Variants in NTM observed in about 807,000 individuals in gnomAD.
NTM encodes neurotrimin, also known as IgLON family member 2.
NTM carries 13 observed loss-of-function variants against 42.1 expected under a neutral mutation model. The observed-to-expected ratio is 0.31, with a 90% CI of 0.20 to 0.49. The LOEUF is 0.49. Ranked by LOEUF, NTM falls within the 20% of genes least tolerant of loss-of-function variation. The pLI is 0.99. For synonymous variants in NTM, 187 were observed against 179.2 expected, an observed-to-expected ratio of 1.04 and a Z score of -0.35; for missense variants, 373 against 452.8, an observed-to-expected ratio of 0.82 and a Z score of 1.60.
chr11:131,554,544 A>C (rs73580248), intron 1 of NTM, among the ~76,000 whole-genome samples: 2,710 of 113,586 alleles, frequency 0.024, 90 homozygotes, highest in African/African-American at 0.077. Context: ...ACACACATCT[A>C]CAAAAAAAAA....
intron 2 of NTM, among the ~76,000 whole-genome samples, chr11:132,039,184 C>A (rs2076878117): frequency 6.6e-6 from 1 of 152,144 alleles, no homozygotes; most frequent in Non-Finnish European, 1.5e-5. Flanking sequence ...GCCTCCCACC[C>A]AATTGGACCG....
chr11:131,665,370 T>C (rs1474443677), intron 1 of NTM, among the ~76,000 whole-genome samples: 3 of 152,246 alleles, frequency 2.0e-5, no homozygotes, highest in Admixed American at 6.5e-5. Flanking sequence ...GTCACTGTTA[T>C]GAGCTGAACA....
At chr11:131,639,523 T>C (rs961525321) in intron 1 of NTM, among the ~76,000 whole-genome samples, 1 of 152,216 alleles carries the variant, frequency 6.6e-6, no homozygotes, top group African/African-American at 2.4e-5. Context: ...TTCTGCATAG[T>C]TGGGAACTGC....
intron 1 of NTM, among the ~76,000 whole-genome samples, chr11:131,831,965 T>C (rs2136547091): frequency 6.8e-6 from 1 of 147,810 alleles, no homozygotes; most frequent in East Asian, 2.0e-4. Flanking sequence ...TAATTAAATA[T>C]AATATATATA....
intron 1 of NTM, among the ~76,000 whole-genome samples, chr11:131,838,000 T>C (rs540765902): frequency 6.6e-6 from 1 of 152,268 alleles, no homozygotes; most frequent in South Asian, 2.1e-4. Context: ...GAATAGTCAA[T>C]TTCACGGTGA....
intron 4 of NTM, among the ~76,000 whole-genome samples, chr11:132,272,951 G>A (rs529215269): frequency 6.6e-6 from 1 of 152,190 alleles, no homozygotes; most frequent in Non-Finnish European, 1.5e-5. Flanking sequence ...GATCTTAAGG[G>A]AAAGCATTTT....
At chr11:132,135,475 G>A (rs1251473359) in intron 2 of NTM, among the ~76,000 whole-genome samples, 1 of 152,250 alleles carries the variant, frequency 6.6e-6, no homozygotes, top group Non-Finnish European at 1.5e-5. Flanking sequence ...TATTAGGGAA[G>A]TGGGCCTAGG....
chr11:132,253,809 A>T (rs1008115849), intron 4 of NTM, among the ~76,000 whole-genome samples: 3 of 152,166 alleles, frequency 2.0e-5, no homozygotes, highest in Non-Finnish European at 4.4e-5. Flanking sequence ...TGTGAAGATG[A>T]TAAAGACCTC....
At chr11:131,405,189 T>C (rs976073086) in intron 1 of NTM, among the ~76,000 whole-genome samples, 3 of 152,170 alleles carry the variant, frequency 2.0e-5, no homozygotes, top group African/African-American at 7.2e-5. Flanking sequence ...CAATTGAAAG[T>C]GTCCCTCACT....
intron 4 of NTM, among the ~76,000 whole-genome samples, chr11:132,302,447 A>G (rs1349792936): frequency 1.3e-5 from 2 of 152,206 alleles, no homozygotes; most frequent in Admixed American, 1.3e-4. Flanking sequence ...AAATACAATG[A>G]TCATGCTAAG....
intron 2 of NTM, among the ~76,000 whole-genome samples, chr11:132,023,195 G>T (rs1183530595): frequency 2.0e-5 from 3 of 152,210 alleles, no homozygotes; most frequent in Admixed American, 6.5e-5. Context: ...TCTCATGGGG[G>T]ACTGTGGGAC....
intron 2 of NTM, among the ~76,000 whole-genome samples, chr11:132,074,102 G>A (rs1481375332): frequency 6.6e-6 from 1 of 152,144 alleles, no homozygotes; most frequent in Non-Finnish European, 1.5e-5. Flanking sequence ...TTTTCAGTAG[G>A]CCACCAGATA....
At chr11:132,162,522 T>TG (rs1177297227) in intron 3 of NTM, among the ~76,000 whole-genome samples, 4 of 142,098 alleles carry the variant, frequency 2.8e-5, no homozygotes, top group Non-Finnish European at 4.6e-5. Flanking sequence ...TGTGTGTTTG[T>TG]GGGGGGAGTG....
chr11:132,138,590 CTATCTATCTATCTATCTATCTATCT>C lies in NTM; in HGVS notation c.168-7691_168-7667del, dbSNP rs1309975668. On this transcript the variant is annotated intron_variant, in intron 2 of 8. Coordinates refer to ENST00000683400, the MANE Select transcript of NTM (RefSeq NM_001352005.2). ...TCTATCTATCTATCTATCTATCTAT[CTATCTATCTATCTATCTATCTATCT>C]ATCTATTCTAATCTATCGAGAGACT... 1.4e-4 allele frequency among the ~76,000 whole-genome samples: 10 copies of C among 73,172 alleles called. No homozygotes were observed. The South Asian group carries it at 3.3e-3, about 24-fold the overall frequency. The allele number at this position is 73,172 out of a possible 152,430, so 48.0% of individuals were successfully genotyped here.
chr11:131,790,332 C>T (rs2090752170), intron 1 of NTM, among the ~76,000 whole-genome samples: 1 of 152,098 alleles, frequency 6.6e-6, no homozygotes, highest in Non-Finnish European at 1.5e-5. Context: ...TTTTATTGCA[C>T]CATCATATTG....
At chr11:131,938,968 A>G (rs1032262483) in intron 2 of NTM, among the ~76,000 whole-genome samples, 1 of 152,224 alleles carries the variant, frequency 6.6e-6, no homozygotes, top group Admixed American at 6.5e-5. Flanking sequence ...CACTAAGTTT[A>G]TGATGTTTGT....
At chr11:131,926,317 G>C (rs528679123) in intron 2 of NTM, among the ~76,000 whole-genome samples, 1 of 152,276 alleles carries the variant, frequency 6.6e-6, no homozygotes, top group South Asian at 2.1e-4. Context: ...AAACAAATAA[G>C]TAAACAAACA....
At chr11:131,963,714 G>T (rs937831853) in intron 2 of NTM, among the ~76,000 whole-genome samples, 2 of 152,198 alleles carry the variant, frequency 1.3e-5, no homozygotes, top group African/African-American at 4.8e-5. Flanking sequence ...AATTGTTTCT[G>T]CCCTGACAGA....
chr11:131,670,822 C>G (rs2070064153), intron 1 of NTM, among the ~76,000 whole-genome samples: 1 of 152,210 alleles, frequency 6.6e-6, no homozygotes, highest in Non-Finnish European at 1.5e-5. Flanking sequence ...TCTGATGCTG[C>G]CCGGCGAGGT....
Sources: allele counts gnomAD v4.1 joint callset (sites outside exome capture counted in the v4.1 genomes callset), GRCh38; gene constraint gnomAD v4.1.1; transcripts MANE v1.5; gene names NCBI Gene and HGNC (gene_info 2026-07-23, HGNC 2026-07-21).